Variants in PPM1H observed in about 807,000 individuals in gnomAD.
PPM1H encodes protein phosphatase 1H.
Under a neutral mutation model 54.9 loss-of-function variants are expected in PPM1H, and 27 were observed. The ratio of observed to expected loss-of-function variants is 0.49; its 90% confidence interval spans 0.36 to 0.68. The LOEUF is 0.68. Ranked by LOEUF, PPM1H falls within the 30% of genes least tolerant of loss-of-function variation. The pLI is 0.00. For synonymous variants in PPM1H, 305 were observed against 270.8 expected (o/e 1.13, Z -1.24); for missense variants, 596 against 667.8 (o/e 0.89, Z 1.19).
At chr12:62,775,578 C>T (rs938926714) in intron 4 of PPM1H, among the ~76,000 whole-genome samples, 4 of 152,134 alleles carry the variant, frequency 2.6e-5, no homozygotes, top group Non-Finnish European at 5.9e-5. Flanking sequence ...CAAGATGGAA[C>T]GAAGGCTTTA....
intron 5 of PPM1H, among the ~76,000 whole-genome samples, chr12:62,723,112 CTGTAAAG>C (rs1018626718): frequency 6.6e-6 from 1 of 152,204 alleles, no homozygotes; most frequent in African/African-American, 2.4e-5. Flanking sequence ...ACACAGTCCA[CTGTAAAG>C]TGTAGGTTGT....
chr12:62,907,088 C>G (rs1364248578), intron 1 of PPM1H, among the ~76,000 whole-genome samples: 2 of 152,202 alleles, frequency 1.3e-5, no homozygotes, highest in Non-Finnish European at 2.9e-5. Flanking sequence ...TTATACCTGA[C>G]AACTACTCTC....
At chr12:62,873,759 A>T (rs1199174251) in intron 1 of PPM1H, among the ~76,000 whole-genome samples, 1 of 152,228 alleles carries the variant, frequency 6.6e-6, no homozygotes, top group Non-Finnish European at 1.5e-5. Flanking sequence ...AATAAATAAA[A>T]ACGGTCTTTA....
At chr12:62,823,668 T>C (rs561210143) in intron 2 of PPM1H, among the ~76,000 whole-genome samples, 61 of 152,306 alleles carry the variant, frequency 4.0e-4, no homozygotes, top group African/African-American at 1.3e-3. Context: ...TCTCAATAGA[T>C]GCAGAAAAGG....
chr12:62,680,237 TCTTTCTCTTTCC>T (rs936272967), intron 8 of PPM1H, among the ~76,000 whole-genome samples: 5 of 151,988 alleles, frequency 3.3e-5, no homozygotes, highest in African/African-American at 1.2e-4. Flanking sequence ...TCTCTCTCTC[TCTTTCTCTTTCC>T]CTCTTTCCTC....
intron 2 of PPM1H, among the ~76,000 whole-genome samples, chr12:62,805,578 C>A (rs981028441): frequency 1.3e-5 from 2 of 152,138 alleles, no homozygotes; most frequent in Non-Finnish European, 2.9e-5. Context: ...GGGCATTATG[C>A]TAAGTGAAAT....
At chr12:62,802,340 A>T (rs1358690137) in intron 2 of PPM1H, among the ~76,000 whole-genome samples, 180 bp from the exon 3 acceptor site, 3 of 152,114 alleles carry the variant, frequency 2.0e-5, no homozygotes, top group Admixed American at 1.3e-4. Flanking sequence ...AACAAAAAAA[A>T]CACTCAGGGA....
At chr12:62,812,551 G>T (rs1294708827) in intron 2 of PPM1H, among the ~76,000 whole-genome samples, 1 of 151,816 alleles carries the variant, frequency 6.6e-6, no homozygotes, top group Non-Finnish European at 1.5e-5. Context: ...CAAAGAATCA[G>T]TCTTATATGC....
chr12:62,876,639 G>A (rs1443005223), intron 1 of PPM1H, among the ~76,000 whole-genome samples: 1 of 152,178 alleles, frequency 6.6e-6, no homozygotes, highest in African/African-American at 2.4e-5. Context: ...AGGTCCCCAG[G>A]ACGTAGAACT....
At chr12:62,747,071 C>A (rs1354016167) in intron 4 of PPM1H, among the ~76,000 whole-genome samples, 1 of 152,206 alleles carries the variant, frequency 6.6e-6, no homozygotes, top group Non-Finnish European at 1.5e-5. Context: ...CCCACCTCAG[C>A]CTCCTGAGTA....
chr12:62,786,327 A>G (rs1241586411), intron 4 of PPM1H, among the ~76,000 whole-genome samples: 2 of 152,208 alleles, frequency 1.3e-5, no homozygotes, highest in Non-Finnish European at 2.9e-5. Flanking sequence ...TCAAACCCTG[A>G]GGCGGGAGAG....
chr12:62,812,731 C>T (rs1323570612), intron 2 of PPM1H, among the ~76,000 whole-genome samples: 1 of 150,826 alleles, frequency 6.6e-6, no homozygotes, highest in Non-Finnish European at 1.5e-5. Context: ...AAGGAAACTG[C>T]TTTTTAATAA....
chr12:62,779,869 G>A (rs563461593), intron 4 of PPM1H, among the ~76,000 whole-genome samples: 25 of 152,318 alleles, frequency 1.6e-4, no homozygotes, highest in Admixed American at 1.6e-3. Flanking sequence ...ATGTGGCTGA[G>A]AAACTTTAGC....
chr12:62,820,993 G>C (rs7397471), intron 2 of PPM1H, among the ~76,000 whole-genome samples: 1 of 152,064 alleles, frequency 6.6e-6, no homozygotes, highest in African/African-American at 2.4e-5. Flanking sequence ...GAGGATGCTC[G>C]AACCCATTGC....
chr12:62,905,434 G>A (rs1301148683), intron 1 of PPM1H, among the ~76,000 whole-genome samples: 2 of 152,106 alleles, frequency 1.3e-5, no homozygotes, highest in Non-Finnish European at 2.9e-5. Flanking sequence ...ATCAAAAATA[G>A]TAAGGCCATC....
At chr12:62,744,732 C>T (rs1035331379) in intron 4 of PPM1H, among the ~76,000 whole-genome samples, 6 of 152,200 alleles carry the variant, frequency 3.9e-5, no homozygotes, top group African/African-American at 7.2e-5. Context: ...CTCTCCACAC[C>T]GGATGTGGTG....
intron 7 of PPM1H, among the ~76,000 whole-genome samples, chr12:62,690,125 G>A (rs773644517): frequency 1.1e-4 from 16 of 152,034 alleles, no homozygotes; most frequent in African/African-American, 1.9e-4. Flanking sequence ...CATGCGTGAC[G>A]TCTACAGCTG....
chr12:62,739,166 T>C (rs972851899), intron 4 of PPM1H, among the ~76,000 whole-genome samples: 3 of 152,114 alleles, frequency 2.0e-5, no homozygotes, highest in Non-Finnish European at 4.4e-5. Context: ...TAATACTCCT[T>C]ATCACTTTTA....
chr12:62,877,934 A>G (rs1247922396), intron 1 of PPM1H, among the ~76,000 whole-genome samples: 2 of 152,062 alleles, frequency 1.3e-5, no homozygotes, highest in East Asian at 3.9e-4. Flanking sequence ...GTCTCGCTCT[A>G]TCGTCCAGGC....
Sources: allele counts gnomAD v4.1 joint callset (sites outside exome capture counted in the v4.1 genomes callset), GRCh38; gene constraint gnomAD v4.1.1; transcripts MANE v1.5; gene names NCBI Gene and HGNC (gene_info 2026-07-23, HGNC 2026-07-21).